The following NELL2 variants were observed in gnomAD, a reference collection of about 807,000 sequenced individuals.
NELL2 encodes the protein protein kinase C-binding protein NELL2.
NELL2 carries 41 observed loss-of-function variants against 109.6 expected under a neutral mutation model. The ratio of observed to expected loss-of-function variants is 0.37; its 90% CI spans 0.29 to 0.49. The LOEUF is 0.49. NELL2 is among the 20% of genes least tolerant of loss of function. The pLI is 0.98. For missense variants in NELL2, 900 were observed against 1,008.3 expected (o/e 0.89, Z 1.45); for synonymous variants, 355 against 344.7 (o/e 1.03, Z -0.33).
At chr12:44,794,185 G>A (rs1367171081) in intron 3 of NELL2, among the ~76,000 whole-genome samples, 2 of 152,100 alleles carry the variant, frequency 1.3e-5, no homozygotes, top group Admixed American at 6.6e-5. Flanking sequence ...TCACCCCTAT[G>A]TGTTTCATCT....
chr12:44,559,091 G>T (rs891744237), intron 15 of NELL2, among the ~76,000 whole-genome samples: 1 of 152,172 alleles, frequency 6.6e-6, no homozygotes, highest in African/African-American at 2.4e-5. Context: ...CTTCATGAGT[G>T]AAGGAGAAAT....
At chr12:44,548,912 T>G (rs1251166291) in intron 15 of NELL2, among the ~76,000 whole-genome samples, 1 of 152,174 alleles carries the variant, frequency 6.6e-6, no homozygotes, top group African/African-American at 2.4e-5. Flanking sequence ...TTAAATTGCC[T>G]TTATTTATTC....
In NELL2 at chr12:44,508,851, A is replaced by T; in HGVS notation, c.*83T>A. ...AGCTGCATTTAGCTGCCCACAAATCACCCAATTTAAGTTTTAACTTCTTTT... is the reference window on the plus strand; with the variant it reads ...AGCTGCATTTAGCTGCCCACAAATCTCCCAATTTAAGTTTTAACTTCTTTT... On this transcript the variant is annotated 3_prime_UTR_variant, in exon 20 of 20. Coordinates refer to ENST00000429094, the MANE Select transcript of NELL2 (RefSeq NM_001145108.2). The T allele has an allele frequency of 8.4e-7, 1 of 1,186,966 alleles. No individual in the cohort carries two copies. Among genetic ancestry groups the T allele is most frequent in the Non-Finnish European group, 1.2e-6 (1 of 809,622 alleles). The allele number at this position is 1,186,966 out of a possible 1,614,324, so 73.5% of individuals were successfully genotyped here.
chr12:44,744,127 G>C (rs1241485103), intron 9 of NELL2, among the ~76,000 whole-genome samples: 1 of 152,048 alleles, frequency 6.6e-6, no homozygotes, highest in Non-Finnish European at 1.5e-5. Context: ...AATCAAACTA[G>C]AACTCAGGAT....
At chr12:44,656,740 TTCTTTTACCA>T (rs1449738189) in intron 13 of NELL2, among the ~76,000 whole-genome samples, 3 of 152,250 alleles carry the variant, frequency 2.0e-5, no homozygotes, top group Non-Finnish European at 4.4e-5. Flanking sequence ...GTATTCTTAC[TTCTTTTACCA>T]TTTATATACC....
At chr12:44,558,838 C>A (rs1189503998) in intron 15 of NELL2, among the ~76,000 whole-genome samples, 1 of 152,082 alleles carries the variant, frequency 6.6e-6, no homozygotes, top group African/African-American at 2.4e-5. Flanking sequence ...GTTCACTACC[C>A]TGGAAAAGGG....
At chr12:44,812,026 C>T (rs1236260167) in intron 3 of NELL2, among the ~76,000 whole-genome samples, 2 of 152,118 alleles carry the variant, frequency 1.3e-5, no homozygotes, top group African/African-American at 4.8e-5. Flanking sequence ...TTCAGCAGGG[C>T]ATGCAGAAGA....
Position 44,816,278 on chromosome 12 carries a change from A to AT in NELL2, c.185-143dup. On this transcript the variant is annotated intron_variant, in intron 2 of 19. Coordinates refer to ENST00000429094, the MANE Select transcript of NELL2 (RefSeq NM_001145108.2). ...CTGAGTTTCAGACTCTTGGTAAATT[A>AT]TTTTTCAAAAAGACTTTATGCTATA... 3.1e-6 allele frequency: 2 copies of AT among 641,318 alleles called. 1 individual carries two copies. The highest frequency in any genetic ancestry group is 5.4e-5 in the South Asian group (2 of 36,914). The allele number at this position is 641,318 out of a possible 1,614,324, so 39.7% of individuals were successfully genotyped here.
chr12:44,829,170 A>G (rs1943807894), intron 2 of NELL2, among the ~76,000 whole-genome samples: 1 of 152,148 alleles, frequency 6.6e-6, no homozygotes, highest in African/African-American at 2.4e-5. Context: ...ATATTCAAAA[A>G]AGATCAAATA....
At chr12:44,704,633 ATT>A (rs934119808) in intron 11 of NELL2, among the ~76,000 whole-genome samples, 3 of 152,210 alleles carry the variant, frequency 2.0e-5, no homozygotes, top group African/African-American at 7.2e-5. Flanking sequence ...AAATTACATA[ATT>A]ATATATAATT....
At chr12:44,774,913 G>A in intron 8 of NELL2, 64 bp from the exon 9 acceptor site, 2 of 1,265,378 alleles carry the variant, frequency 1.6e-6, no homozygotes, top group Non-Finnish European at 2.3e-6. Flanking sequence ...AAGAATTTTT[G>A]AATTCATTCC....
chr12:44,857,992 T>C (rs79762106), intron 2 of NELL2, among the ~76,000 whole-genome samples: 3 of 152,106 alleles, frequency 2.0e-5, no homozygotes, highest in Non-Finnish European at 4.4e-5. Flanking sequence ...CTACACAAAA[T>C]CTAGCATTTC....
At chr12:44,729,564 T>TAA (rs71435985) in intron 9 of NELL2, among the ~76,000 whole-genome samples, 2 of 62,206 alleles carry the variant, frequency 3.2e-5, no homozygotes, top group African/African-American at 5.9e-5. Flanking sequence ...CTGAATGAAT[T>TAA]AAAAAAAAAA....
intron 13 of NELL2, among the ~76,000 whole-genome samples, chr12:44,617,985 GATT>G (rs1294995449): frequency 6.6e-6 from 1 of 151,976 alleles, no homozygotes; most frequent in East Asian, 1.9e-4. Context: ...TACTTTCAAT[GATT>G]ACATCAGGGG....
At chr12:44,724,947 C>G (rs1232876306) in intron 9 of NELL2, among the ~76,000 whole-genome samples, 1 of 151,914 alleles carries the variant, frequency 6.6e-6, no homozygotes, top group African/African-American at 2.4e-5. Flanking sequence ...GAATACAGAG[C>G]CCAGAAATAA....
At chr12:44,907,217 C>T (rs1227239257) in intron 1 of NELL2, among the ~76,000 whole-genome samples, 4 of 152,130 alleles carry the variant, frequency 2.6e-5, no homozygotes, top group Non-Finnish European at 5.9e-5. Flanking sequence ...TACCCAGTCT[C>T]GGGTATTTCT....
chr12:44,817,480 C>CA (rs1447037292), intron 2 of NELL2, among the ~76,000 whole-genome samples: 3 of 152,024 alleles, frequency 2.0e-5, no homozygotes, highest in African/African-American at 4.8e-5. Flanking sequence ...GAGGTAGGTA[C>CA]AAAGTGTTAA....
At chr12:44,578,295 A>G (rs1430953948) in intron 15 of NELL2, among the ~76,000 whole-genome samples, 1 of 152,150 alleles carries the variant, frequency 6.6e-6, no homozygotes, top group Non-Finnish European at 1.5e-5. Context: ...TGTTAAATAT[A>G]TACAAACAAA....
chr12:44,815,804 A>G, intron 3 of NELL2, 182 bp downstream of exon 3: 2 of 536,774 alleles, frequency 3.7e-6, no homozygotes, highest in South Asian at 5.9e-5. Context: ...TTTTTAGAAG[A>G]GACAGGGTTT....
Sources: allele counts gnomAD v4.1 joint callset (sites outside exome capture counted in the v4.1 genomes callset), GRCh38; gene constraint gnomAD v4.1.1; transcripts MANE v1.5; gene names NCBI Gene and HGNC (gene_info 2026-07-23, HGNC 2026-07-21).